The following OCRL variants were observed in gnomAD, a reference collection of about 807,000 sequenced individuals.
The protein encoded by OCRL is inositol polyphosphate 5-phosphatase OCRL.
A neutral mutation model predicts 78.9 loss-of-function variants in OCRL; 8 were observed. The observed-to-expected ratio is 0.10, with a 90% CI of 0.06 to 0.18. The LOEUF is 0.18. Among genes scored for constraint, OCRL ranks in the 10% least tolerant of loss-of-function variants. The pLI is 1.00. For missense variants in OCRL, 454 were observed against 696.7 expected, an observed-to-expected ratio of 0.65 and a Z score of 3.92; for synonymous variants, 240 against 235.4, an observed-to-expected ratio of 1.02 and a Z score of -0.18.
chrX:129,581,857 CTCTCTCTCTG>C (rs1393377258), intron 18 of OCRL, among the ~76,000 whole-genome samples: 3 of 99,169 alleles, frequency 3.0e-5, no homozygotes, highest in East Asian at 3.6e-4. Flanking sequence ...CTCTCTCTCT[CTCTCTCTCTG>C]TCTCTGTCTC....
chrX:129,554,948 A>AAAGTAAAT (rs1936017814), intron 4 of OCRL, among the ~76,000 whole-genome samples: 1 of 84,673 alleles, frequency 1.2e-5, no homozygotes, highest in Non-Finnish European at 2.3e-5. Flanking sequence ...ACTCCTTCTC[A>AAAGTAAAT]AAATAAATAA....
At chrX:129,589,130 T>C in intron 22 of OCRL, 117 bp downstream of exon 22, 1 of 820,196 alleles carries the variant, frequency 1.2e-6, no homozygotes, top group Non-Finnish European at 1.8e-6. Flanking sequence ...GCATCTGTTA[T>C]TAATGGCAGG....
intron 14 of OCRL, 55 bp from the exon 15 acceptor site, chrX:129,569,209 G>A: frequency 8.6e-7 from 1 of 1,165,610 alleles, no homozygotes; most frequent in Non-Finnish European, 1.2e-6. Flanking sequence ...CAGTGTGGTA[G>A]GTATTATGTT....
At position 129,577,657 on chromosome X, in the gene OCRL, C is replaced by G. The variant is rs183924437; in HGVS notation, c.2115+1105C>G. 3.6e-5 allele frequency among the ~76,000 whole-genome samples: 4 copies of G among 111,594 alleles called. No homozygotes were observed. In the East Asian group the frequency reaches 1.1e-3, roughly 31 times the overall value. On this transcript the variant is annotated intron_variant, in intron 18 of 23. Coordinates refer to ENST00000371113, the MANE Select transcript of OCRL (RefSeq NM_000276.4). ...TTCTGTTGCCATGGAATTGTTTTAG[C>G]TGTGACTCAGATAGCAGATTAAAAC...
intron 18 of OCRL, among the ~76,000 whole-genome samples, chrX:129,577,850 C>T (rs1216690241): frequency 8.9e-6 from 1 of 112,069 alleles, no homozygotes; most frequent in Non-Finnish European, 1.9e-5. Context: ...CATTATATTT[C>T]TGTCTTTTAG....
chrX:129,557,245 A>C, intron 4 of OCRL, 80 bp from the exon 5 acceptor site: 1 of 833,356 alleles, frequency 1.2e-6, no homozygotes, highest in Non-Finnish European at 1.8e-6. Context: ...TTCTTCTGTT[A>C]ACCTGATAAG....
intron 10 of OCRL, among the ~76,000 whole-genome samples, chrX:129,561,640 A>G (rs943879094): frequency 3.6e-5 from 4 of 112,271 alleles, no homozygotes; most frequent in Non-Finnish European, 7.5e-5. Context: ...ACGTGGGCGC[A>G]TGGTGCATGT....
At chrX:129,569,840 C>CTTTT (rs139960777) in intron 15 of OCRL, among the ~76,000 whole-genome samples, 9 of 83,822 alleles carry the variant, frequency 1.1e-4, no homozygotes, top group Admixed American at 1.3e-4. Context: ...CTTATTTTTT[C>CTTTT]TTTTTTTTTT....
At chrX:129,559,206 T>C (rs184902308) in intron 8 of OCRL, among the ~76,000 whole-genome samples, 161 of 111,681 alleles carry the variant, frequency 1.4e-3, no homozygotes, top group African/African-American at 5.0e-3. Flanking sequence ...TGGATTTTCT[T>C]TTTTTGTGTG....
At chrX:129,560,986 A>G (rs1936137533) in intron 9 of OCRL, among the ~76,000 whole-genome samples, 193 bp from the exon 10 acceptor site, 1 of 112,573 alleles carries the variant, frequency 8.9e-6, no homozygotes, top group Non-Finnish European at 1.9e-5. Flanking sequence ...TGCATAGCTT[A>G]TGAATGTACT....
intron 4 of OCRL, among the ~76,000 whole-genome samples, chrX:129,556,229 G>GATTT (rs780467322): frequency 1.8e-4 from 20 of 112,069 alleles, no homozygotes; most frequent in East Asian, 8.3e-4. Flanking sequence ...ACGTGGTAAA[G>GATTT]AGTCCAGTTC....
At chrX:129,568,071 G>A (rs1602792287) in intron 14 of OCRL, among the ~76,000 whole-genome samples, 1 of 109,842 alleles carries the variant, frequency 9.1e-6, no homozygotes, top group African/African-American at 3.3e-5. Context: ...CCGCCACCAC[G>A]CCCGGCTAAT....
At chrX:129,563,624 G>A (rs1255816882) in intron 12 of OCRL, among the ~76,000 whole-genome samples, 1 of 111,462 alleles carries the variant, frequency 9.0e-6, no homozygotes, top group African/African-American at 3.3e-5. Flanking sequence ...TTTAATGGCT[G>A]TGCTTATTAA....
intron 15 of OCRL, among the ~76,000 whole-genome samples, chrX:129,573,127 G>A (rs1427836558): frequency 8.9e-6 from 1 of 111,805 alleles, no homozygotes; most frequent in Non-Finnish European, 1.9e-5. Flanking sequence ...TTTGATCCTC[G>A]GTTCTCTAAG....
Position 129,562,798 on chromosome X carries a change from ACTC to A in OCRL, c.1244+13_1244+15del, listed in dbSNP as rs749218001. On this transcript the variant is annotated intron_variant, in intron 12 of 23. Coordinates refer to ENST00000371113, the MANE Select transcript of OCRL (RefSeq NM_000276.4). ...ATCATGAAACATGAGTAAGTGGTTA[ACTC>A]ACCTGTAGCCTTTGAGTAGTGGCTA... is the stretch of plus-strand genomic sequence containing the variant. 453 of 1,201,417 alleles carry A rather than the reference ACTC, an allele frequency of 3.8e-4. No homozygotes were observed. Among genetic ancestry groups the A allele is most frequent in the Non-Finnish European group, 5.0e-4 (440 of 887,669 alleles).
At chrX:129,586,818 TTAAC>T (rs1171222915) in intron 19 of OCRL, 180 bp from the exon 20 acceptor site, 2 of 549,567 alleles carry the variant, frequency 3.6e-6, no homozygotes, top group South Asian at 4.5e-5. Flanking sequence ...AGGACATCCT[TTAAC>T]TATGGGACTC....
chrX:129,548,229 C>T lies in OCRL; in HGVS notation c.200-334C>T, dbSNP rs1935915651. Among the ~76,000 whole-genome samples, 4 of 112,037 alleles carry T rather than the reference C, an allele frequency of 3.6e-5. No individual in the cohort carries two copies. In the South Asian group the frequency reaches 1.5e-3, roughly 42 times the overall value. ...GACCCAGAGTTAAATCATTATGTTA[C>T]AGTTAAGGGGAATTAAACTTGCTTT... On this transcript the variant is annotated intron_variant, in intron 3 of 23. Coordinates refer to ENST00000371113, the MANE Select transcript of OCRL (RefSeq NM_000276.4).
Position 129,560,227 on chromosome X carries a change from C to T in OCRL, c.723-323C>T, listed in dbSNP as rs188943106. Among the ~76,000 whole-genome samples the T allele has an allele frequency of 9.0e-4, 101 of 112,191 alleles. 3 individuals carry two copies. In the East Asian group the frequency reaches 0.014, roughly 16 times the overall value. On this transcript the variant is annotated intron_variant, in intron 8 of 23. Coordinates refer to ENST00000371113, the MANE Select transcript of OCRL (RefSeq NM_000276.4). ...TTACAGCATGAAGATACCTCTTTCC[C>T]ATCCATAAGCTCTCCTATCAAGTAT...
intron 2 of OCRL, 100 bp from the exon 3 acceptor site, chrX:129,544,858 A>C (rs971919980): frequency 2.2e-5 from 12 of 554,579 alleles, no homozygotes; most frequent in Non-Finnish European, 3.8e-5. Flanking sequence ...CAGCAAGTCT[A>C]GTAAATACAG....
Sources: allele counts gnomAD v4.1 joint callset (sites outside exome capture counted in the v4.1 genomes callset), GRCh38; gene constraint gnomAD v4.1.1; transcripts MANE v1.5; gene names NCBI Gene and HGNC (gene_info 2026-07-23, HGNC 2026-07-21).